Variants in CDH11 observed in about 807,000 individuals in gnomAD.
The protein encoded by CDH11 is cadherin-11.
In CDH11, 11 loss-of-function variants were observed where a neutral mutation model predicts 67.8. The observed-to-expected ratio is 0.16, with a 90% confidence interval of 0.10 to 0.27. The LOEUF (loss-of-function observed/expected upper bound fraction) is 0.27. Among genes scored for constraint, CDH11 ranks in the 10% least tolerant of loss-of-function variants. CDH11 has a pLI of 1.00. For synonymous variants in CDH11, 419 were observed against 400.0 expected (o/e 1.05, Z -0.57); for missense variants, 847 against 1,031.2 (o/e 0.82, Z 2.45).
chr16:65,028,524 C>A (rs1301192742), intron 2 of CDH11, among the ~76,000 whole-genome samples: 2 of 151,956 alleles, frequency 1.3e-5, no homozygotes, highest in African/African-American at 4.8e-5. Flanking sequence ...ATAAGAGATA[C>A]ACACACACAC....
intron 2 of CDH11, among the ~76,000 whole-genome samples, chr16:65,044,158 T>A (rs1866957300): frequency 6.6e-6 from 1 of 152,164 alleles, no homozygotes; most frequent in South Asian, 2.1e-4. Flanking sequence ...CTCTTATTCC[T>A]GCGAAAGCCT....
At chr16:64,951,987 A>C (rs2071375958) in intron 11 of CDH11, among the ~76,000 whole-genome samples, 2 of 151,990 alleles carry the variant, frequency 1.3e-5, no homozygotes, top group African/African-American at 4.8e-5. Context: ...TATTTCCCTA[A>C]CCTAGATTTC....
intron 1 of CDH11, among the ~76,000 whole-genome samples, chr16:65,076,245 A>G (rs530213524): frequency 6.6e-6 from 1 of 152,316 alleles, no homozygotes; most frequent in East Asian, 1.9e-4. Context: ...TTTATCTCCC[A>G]CAAACTCCTC....
At position 64,982,135 on chromosome 16, in the gene CDH11, A is replaced by C; in HGVS notation, c.1166T>G (p.Ile389Ser). 1 of 1,614,018 alleles carries C rather than the reference A, an allele frequency of 6.2e-7. No homozygotes were observed. The highest frequency in any genetic ancestry group is 8.5e-7 in the Non-Finnish European group (1 of 1,179,966). ...AGCTGCATTTTCTTGGACTTCGTGG[A>C]TGTAACTTGGGGCCAAGAACATAGG... ...EPPMFLAPSY[I>S]HEVQENAAAG... is the part of the protein sequence containing the mutation. The change falls in exon 8 of 13, where the codon ATC becomes AGC. Residue 389 changes from isoleucine to serine, a missense_variant. Physicochemically the swap from Ile to Ser is moderately radical, Grantham distance 142. This residue lies in a region of CDH11 where 612 missense variants were observed against 678.7 expected (regional missense o/e 0.90). Transcript: ENST00000268603.
intron 4 of CDH11, among the ~76,000 whole-genome samples, chr16:64,996,938 A>T (rs191939892): frequency 6.6e-6 from 1 of 152,242 alleles, no homozygotes; most frequent in Admixed American, 6.5e-5. Context: ...TCACTACCTG[A>T]GTGATGGGGT....
Position 65,005,948 on chromosome 16 carries a change from C to T in CDH11, c.-172-907G>A, listed in dbSNP as rs565236020. 1.1e-4 allele frequency among the ~76,000 whole-genome samples: 17 copies of T among 152,338 alleles called. No homozygotes were observed. In the South Asian group the frequency reaches 3.5e-3, roughly 32 times the overall value. ...CAGTAATGCCTTTCACCTTTCTACACTCCTCACAGGTTTCTGAGCCACAGT... is the reference window on the plus strand; with the variant it reads ...CAGTAATGCCTTTCACCTTTCTACATTCCTCACAGGTTTCTGAGCCACAGT... On this transcript the variant is annotated intron_variant, in intron 2 of 12. Coordinates refer to ENST00000268603, the MANE Select transcript of CDH11 (RefSeq NM_001797.4).
At chr16:65,038,292 G>T (rs1310246759) in intron 2 of CDH11, among the ~76,000 whole-genome samples, 2 of 152,078 alleles carry the variant, frequency 1.3e-5, no homozygotes, top group Non-Finnish European at 2.9e-5. Flanking sequence ...GCGGGACGCT[G>T]CTATCCCACT....
At position 64,947,488 on chromosome 16, in the gene CDH11, C is replaced by T. The variant is rs2071223803; in HGVS notation, c.*115G>A. On this transcript the variant is annotated 3_prime_UTR_variant, in exon 13 of 13. Transcript: ENST00000268603. ...TATTAAATGTATCCTCTCTGTAAAA[C>T]TTTGCCTGTTTTAAATGAGCCTTTC... 2.0e-6 allele frequency: 3 copies of T among 1,505,502 alleles called. No homozygotes were observed. The highest frequency in any genetic ancestry group is 2.7e-6 in the Non-Finnish European group (3 of 1,130,116). The allele number at this position is 1,505,502 out of a possible 1,614,324, so 93.3% of individuals were successfully genotyped here.
chr16:65,048,415 T>C (rs1220147931), intron 2 of CDH11, among the ~76,000 whole-genome samples: 4 of 152,104 alleles, frequency 2.6e-5, no homozygotes, highest in African/African-American at 9.7e-5. Context: ...GGAAAAGAAA[T>C]CATTATATCA....
At chr16:64,994,524 G>A (rs1179724425) in intron 4 of CDH11, among the ~76,000 whole-genome samples, 1 of 152,160 alleles carries the variant, frequency 6.6e-6, no homozygotes, top group Non-Finnish European at 1.5e-5. Context: ...AACAACGACT[G>A]TACTGTCATA....
intron 11 of CDH11, among the ~76,000 whole-genome samples, chr16:64,952,031 CA>C (rs1325679128): frequency 2.0e-5 from 3 of 152,174 alleles, no homozygotes; most frequent in Non-Finnish European, 2.9e-5. Flanking sequence ...CTACTTTTTC[CA>C]CATGGACCAG....
At position 64,988,160 on chromosome 16, in the gene CDH11, T is replaced by C; in HGVS notation, c.996A>G (p.Lys332=). The change falls in exon 7 of 13, where the codon AAA becomes AAG. Residue 332 remains lysine, a synonymous_variant. Coordinates refer to ENST00000268603, the MANE Select transcript of CDH11 (RefSeq NM_001797.4). ...YETQEGVIKL[K]KPVDFETKRA... ...CTGATTCCTTACCCTAACTCACCTT[T>C]TTCAGCTTTATCACCCCCTCCTGTG... 1 of 1,606,924 alleles carries C rather than the reference T, an allele frequency of 6.2e-7. No homozygotes were observed. The highest frequency in any genetic ancestry group is 8.5e-7 in the Non-Finnish European group (1 of 1,176,304).
intron 7 of CDH11, chr16:64,986,224 C>A (rs2142474192): frequency 6.6e-6 from 1 of 151,950 alleles, no homozygotes; most frequent in African/African-American, 2.4e-5. Flanking sequence ...GAACTTTGTG[C>A]TAGAAGTTTG....
At position 64,968,637 on chromosome 16, in the gene CDH11, A is replaced by G. The variant is rs1386645178; in HGVS notation, c.1642+2942T>C. 18 of 804,798 alleles carry G rather than the reference A, an allele frequency of 2.2e-5. No individual in the cohort carries two copies. The Admixed American group carries it at 1.0e-3, about 45-fold the overall frequency. The allele number at this position is 804,798 out of a possible 1,614,324, so 49.9% of individuals were successfully genotyped here. Reference sequence around the variant, plus strand: ...GTGTATTAAGATGGCTTTTCCTCTTATATTTCTAAAAACGCTGAATGCTTA... The same window carrying G: ...GTGTATTAAGATGGCTTTTCCTCTTGTATTTCTAAAAACGCTGAATGCTTA... On this transcript the variant is annotated intron_variant, in intron 11 of 12. Coordinates refer to ENST00000268603, the MANE Select transcript of CDH11 (RefSeq NM_001797.4).
intron 2 of CDH11, among the ~76,000 whole-genome samples, chr16:65,052,554 A>G (rs1192455746): frequency 6.6e-6 from 1 of 152,144 alleles, no homozygotes; most frequent in Non-Finnish European, 1.5e-5. Context: ...GAGAGGGAAT[A>G]CCAGCTGAGA....
chr16:65,116,755 T>TAGAG (rs71828602), intron 1 of CDH11, among the ~76,000 whole-genome samples: 4 of 150,078 alleles, frequency 2.7e-5, no homozygotes, highest in South Asian at 2.1e-4. Context: ...TTAATAAGGA[T>TAGAG]AGAGAGAGAG....
chr16:64,951,140 T>G, intron 11 of CDH11, 122 bp from the exon 12 acceptor site: 1 of 974,268 alleles, frequency 1.0e-6, no homozygotes, highest in Non-Finnish European at 1.5e-6. Context: ...GAATCGTTCT[T>G]ACTTGTTCTT....
At position 64,943,855 on chromosome 16, in the gene CDH11, C is replaced by T. The variant is rs1232458109; in HGVS notation, c.*3748G>A. 4.4e-6 allele frequency: 1 copy of T among 226,938 alleles called. No individual in the cohort carries two copies. Among genetic ancestry groups the T allele is most frequent in the Non-Finnish European group, 8.8e-6 (1 of 114,170 alleles). The allele number at this position is 226,938 out of a possible 1,614,324, so 14.1% of individuals were successfully genotyped here. ...TAAACAAGAAAGCAAGATTCCCTGC[C>T]CTCATGGAGCTTACATTCTAGTGGG... On this transcript the variant is annotated 3_prime_UTR_variant, in exon 13 of 13. Coordinates refer to ENST00000268603, the MANE Select transcript of CDH11 (RefSeq NM_001797.4).
intron 7 of CDH11, among the ~76,000 whole-genome samples, chr16:64,983,515 C>A (rs551592921): frequency 6.6e-6 from 1 of 152,142 alleles, no homozygotes; most frequent in Non-Finnish European, 1.5e-5. Context: ...TCTGAATGGG[C>A]ATATAGTCAT....
Sources: allele counts gnomAD v4.1 joint callset (sites outside exome capture counted in the v4.1 genomes callset), GRCh38; gene constraint gnomAD v4.1.1; regional missense constraint gnomAD v4.1.1; transcripts MANE v1.5; gene names NCBI Gene and HGNC (gene_info 2026-07-23, HGNC 2026-07-21).